SOX6: variants seen among roughly 807,000 people sequenced by gnomAD.
SOX6 encodes transcription factor SOX-6.
Under a neutral mutation model 97.8 loss-of-function variants are expected in SOX6, and 11 were observed. The observed-to-expected ratio is 0.11, with a 90% CI of 0.07 to 0.19. SOX6 has a LOEUF of 0.19. SOX6 is among the 10% of genes least tolerant of loss of function. SOX6 has a pLI of 1.00. For synonymous variants in SOX6, 360 were observed against 371.4 expected (o/e 0.97, Z 0.35); for missense variants, 810 against 1,039.5 (o/e 0.78, Z 3.04).
chr11:16,096,251 GT>G, intron 8 of SOX6, 133 bp from the exon 9 acceptor site: 1 of 1,129,554 alleles, frequency 8.9e-7, no homozygotes, highest in Admixed American at 2.4e-5. Flanking sequence ...TTAAGACTCA[GT>G]TTCTTTCTTT....
chr11:16,452,189 G>C (rs1168935468), intron 1 of SOX6, among the ~76,000 whole-genome samples: 1 of 152,014 alleles, frequency 6.6e-6, no homozygotes, highest in African/African-American at 2.4e-5. Context: ...AGAACAAAAA[G>C]CTACAGTTAA....
In SOX6 at chr11:16,704,591, T is replaced by C. The variant is rs1251466108; in HGVS notation, n.429+10239A>G. ...TAGCACATGCCAGGTATTCAACAAA[T>C]ACATGTGGAATGAATAAAGCTTAGT... On this transcript the variant is annotated intron_variant and non_coding_transcript_variant, in intron 3 of 5. Coordinates refer to the SOX6 transcript ENST00000524520. 2.6e-5 allele frequency among the ~76,000 whole-genome samples: 4 copies of C among 152,180 alleles called. No homozygotes were observed. The East Asian group carries it at 5.8e-4, about 22-fold the overall frequency.
At chr11:15,998,152 A>G (rs1186149652) in intron 13 of SOX6, among the ~76,000 whole-genome samples, 1 of 151,444 alleles carries the variant, frequency 6.6e-6, no homozygotes, top group Non-Finnish European at 1.5e-5. Context: ...AAAGGAATAA[A>G]TAATGTCATC....
intron 4 of SOX6, among the ~76,000 whole-genome samples, chr11:16,232,883 G>A (rs1363227466): frequency 6.6e-6 from 1 of 152,000 alleles, no homozygotes; most frequent in Non-Finnish European, 1.5e-5. Context: ...AATAAGTTGA[G>A]TTTCTTTTTT....
In SOX6 at chr11:16,471,808, A is replaced by G. The variant is rs867018490; in HGVS notation, c.-5+4507T>C. 3.3e-5 allele frequency among the ~76,000 whole-genome samples: 5 copies of G among 152,262 alleles called. No individual in the cohort carries two copies. In the South Asian group the frequency reaches 1.0e-3, roughly 32 times the overall value. On this transcript the variant is annotated intron_variant, in intron 1 of 15. Transcript: ENST00000396356. ...GCAGTCAGGAGACAGCCCTAGCAAAACCTGAGATCACTGACCAAAGGAACA... is the reference window on the plus strand; with the variant it reads ...GCAGTCAGGAGACAGCCCTAGCAAAGCCTGAGATCACTGACCAAAGGAACA...
chr11:16,256,466 T>C (rs1406054977), intron 3 of SOX6, among the ~76,000 whole-genome samples: 2 of 151,942 alleles, frequency 1.3e-5, no homozygotes, highest in African/African-American at 4.8e-5. Flanking sequence ...TATGATCATA[T>C]TGATCCAGAA....
intron 6 of SOX6, among the ~76,000 whole-genome samples, chr11:16,159,919 A>G (rs1850701291): frequency 6.6e-6 from 1 of 152,068 alleles, no homozygotes; most frequent in Non-Finnish European, 1.5e-5. Context: ...TCTAAAGCAG[A>G]TTTTTTCATA....
At chr11:16,450,129 A>G (rs1223395861) in intron 1 of SOX6, among the ~76,000 whole-genome samples, 4 of 152,210 alleles carry the variant, frequency 2.6e-5, no homozygotes, top group Admixed American at 6.5e-5. Context: ...ACCCCTGCGC[A>G]AACTTCAGAG....
intron 1 of SOX6, among the ~76,000 whole-genome samples, chr11:16,372,822 G>A (rs567911466): frequency 1.1e-4 from 16 of 152,176 alleles, no homozygotes; most frequent in Admixed American, 1.0e-3. Flanking sequence ...GGAACTGAAA[G>A]ATCCTTAGAA....
chr11:16,235,601 T>G (rs1852992764), intron 3 of SOX6, among the ~76,000 whole-genome samples: 1 of 152,124 alleles, frequency 6.6e-6, no homozygotes, highest in African/African-American at 2.4e-5. Flanking sequence ...CCATAAAACT[T>G]TAACATTCCA....
intron 3 of SOX6, among the ~76,000 whole-genome samples, chr11:16,283,485 G>A (rs1488240533): frequency 6.6e-6 from 1 of 151,570 alleles, no homozygotes; most frequent in Non-Finnish European, 1.5e-5. Flanking sequence ...GTTACCTCTA[G>A]ATAGTTTATC....
chr11:16,282,566 C>G (rs1854597721), intron 3 of SOX6, among the ~76,000 whole-genome samples: 2 of 151,450 alleles, frequency 1.3e-5, no homozygotes, highest in South Asian at 4.2e-4. Flanking sequence ...AATTTTTAAG[C>G]CCAGTTTTAA....
intron 4 of SOX6, among the ~76,000 whole-genome samples, chr11:16,488,123 T>C (rs1247766363): frequency 6.6e-6 from 1 of 152,186 alleles, no homozygotes; most frequent in Non-Finnish European, 1.5e-5. Context: ...TTGATAACTA[T>C]GGGCTAATTA....
chr11:16,018,336 A>G (rs1854948337), intron 12 of SOX6, among the ~76,000 whole-genome samples: 1 of 152,122 alleles, frequency 6.6e-6, no homozygotes, highest in Admixed American at 6.6e-5. Flanking sequence ...ACTTTGCATT[A>G]AATTAGCAAC....
At chr11:16,517,117 A>C (rs1860986946) in intron 4 of SOX6, among the ~76,000 whole-genome samples, 1 of 151,660 alleles carries the variant, frequency 6.6e-6, no homozygotes, top group Admixed American at 6.6e-5. Context: ...GGCCTTTGAC[A>C]AAATTCAACA....
chr11:16,199,918 A>C (rs1394185005), intron 4 of SOX6, among the ~76,000 whole-genome samples: 4 of 152,188 alleles, frequency 2.6e-5, no homozygotes, highest in Non-Finnish European at 5.9e-5. Context: ...TTTTACAGGA[A>C]AAATTTCACA....
chr11:16,456,989 T>A (rs961790808), intron 1 of SOX6, among the ~76,000 whole-genome samples: 1 of 152,108 alleles, frequency 6.6e-6, no homozygotes. Context: ...TTATATTCTA[T>A]CTTGATGGGA....
chr11:16,539,288 C>T (rs1354492357), intron 4 of SOX6, among the ~76,000 whole-genome samples: 2 of 152,136 alleles, frequency 1.3e-5, no homozygotes, highest in Non-Finnish European at 1.5e-5. Flanking sequence ...AAAGACACAA[C>T]ATACCAGAAT....
intron 1 of SOX6, among the ~76,000 whole-genome samples, chr11:16,341,802 C>T (rs1590140646): frequency 1.3e-5 from 2 of 152,018 alleles, no homozygotes; most frequent in Non-Finnish European, 2.9e-5. Flanking sequence ...TCTTTGTTTA[C>T]ACTTTGCATT....
Sources: gnomAD v4.1 joint callset for allele counts (sites outside exome capture counted in the v4.1 genomes callset) on GRCh38, gnomAD v4.1.1 for gene constraint, MANE v1.5 for transcripts, NCBI Gene and HGNC (gene_info 2026-07-23, HGNC 2026-07-21) for gene names.